The following PRRX1 variants were observed in gnomAD, a reference collection of about 807,000 sequenced individuals.
The protein encoded by PRRX1 is paired mesoderm homeobox protein 1.
PRRX1 carries 8 observed loss-of-function variants against 24.0 expected under a neutral mutation model. The observed-to-expected ratio is 0.33, with a 90% CI of 0.20 to 0.60. The LOEUF is 0.60. PRRX1 is among the 20% of genes least tolerant of loss of function. The probability of loss-of-function intolerance (pLI) is 0.82; values close to 1 mark genes in which losing one functional copy is unlikely to be tolerated. For missense variants in PRRX1, 281 were observed against 322.4 expected, an observed-to-expected ratio of 0.87 and a Z score of 0.98; for synonymous variants, 160 against 131.7, an observed-to-expected ratio of 1.22 and a Z score of -1.47.
intron 2 of PRRX1, among the ~76,000 whole-genome samples, chr1:170,725,258 C>T (rs184939492): frequency 2.6e-5 from 4 of 152,168 alleles, no homozygotes; most frequent in Admixed American, 6.5e-5. Flanking sequence ...AGCAAACCTG[C>T]ACATCCTGCA....
chr1:170,716,556 C>A (rs1654914116), intron 1 of PRRX1, among the ~76,000 whole-genome samples: 1 of 151,312 alleles, frequency 6.6e-6, no homozygotes, highest in Non-Finnish European at 1.5e-5. Context: ...TGCACTCCAG[C>A]CTGGGCGACA....
At chr1:170,683,162 A>T (rs778606643) in intron 1 of PRRX1, among the ~76,000 whole-genome samples, 1 of 152,224 alleles carries the variant, frequency 6.6e-6, no homozygotes, top group Non-Finnish European at 1.5e-5. Flanking sequence ...AATGTGATTT[A>T]TGTCTTTAAA....
Position 170,738,974 on chromosome 1 carries a change from A to G in PRRX1, c.*2788A>G, listed in dbSNP as rs576485069. The G allele has an allele frequency of 9.3e-5, 21 of 225,250 alleles. No homozygotes were observed. The highest frequency in any genetic ancestry group is 2.7e-3 in the Middle Eastern group (2 of 738). 14.0% of individuals were successfully genotyped at this position (225,250 alleles called of 1,614,324 possible). A position where few individuals can be genotyped will look rare whatever the true frequency, so the allele number is the denominator to read the frequency against. On this transcript the variant is annotated 3_prime_UTR_variant, in exon 4 of 4. Transcript: ENST00000239461. The stretch of plus-strand genomic sequence containing the variant: ...ATCTAAGCACTTGATCAAGAAATAT[A>G]CATGTTGTACAAGCTCTCAATTTTG...
At chr1:170,678,819 C>T (rs187290086) in intron 1 of PRRX1, among the ~76,000 whole-genome samples, 1 of 152,310 alleles carries the variant, frequency 6.6e-6, no homozygotes, top group East Asian at 1.9e-4. Flanking sequence ...GATTCTTTCT[C>T]TAGTGTCCTT....
At chr1:170,700,304 G>A (rs113790005) in intron 1 of PRRX1, among the ~76,000 whole-genome samples, 3,551 of 152,174 alleles carry the variant, frequency 0.023, 139 homozygotes, top group African/African-American at 0.076. Context: ...GTATAGAACC[G>A]CTGATGAGTG....
chr1:170,664,503 G>C, intron 1 of PRRX1, 44 bp downstream of exon 1: 2 of 1,565,600 alleles, frequency 1.3e-6, no homozygotes, highest in Non-Finnish European at 1.7e-6. Flanking sequence ...GCCCGGGACA[G>C]AGGGCGGGGA....
chr1:170,719,854 C>A lies in PRRX1; in HGVS notation c.370C>A (p.Arg124=). 1 of 1,614,134 alleles carries A rather than the reference C, an allele frequency of 6.2e-7. No homozygotes were observed. The highest frequency in any genetic ancestry group is 8.5e-7 in the Non-Finnish European group (1 of 1,180,030). The change falls in exon 2 of 4, where the codon CGA becomes AGA. Residue 124 remains arginine, a synonymous_variant. Transcript: ENST00000239461. ...ERTHYPDAFV[R]EDLARRVNLT... is the part of the protein sequence containing the mutation. ...GACACACTATCCTGATGCTTTTGTGCGAGAAGACCTTGCCCGCCGGGTGAA... is the reference window on the plus strand; with the variant it reads ...GACACACTATCCTGATGCTTTTGTGAGAGAAGACCTTGCCCGCCGGGTGAA...
intron 3 of PRRX1, chr1:170,730,370 A>AG (rs756376318): frequency 4.4e-5 from 70 of 1,582,206 alleles, no homozygotes; most frequent in Non-Finnish European, 5.4e-5. Context: ...GAGGGGGAAG[A>AG]GGGTGGCTGC....
chr1:170,729,396 G>C (rs935196525), intron 3 of PRRX1, among the ~76,000 whole-genome samples: 3 of 152,052 alleles, frequency 2.0e-5, no homozygotes, highest in Non-Finnish European at 2.9e-5. Context: ...ATATTTTGCT[G>C]ACTTCCACAG....
At chr1:170,701,007 G>C (rs574093453) in intron 1 of PRRX1, among the ~76,000 whole-genome samples, 1 of 152,274 alleles carries the variant, frequency 6.6e-6, no homozygotes, top group South Asian at 2.1e-4. Context: ...GGGCTGTTAT[G>C]AGGAATAAAT....
At chr1:170,700,483 A>G (rs1372527140) in intron 1 of PRRX1, among the ~76,000 whole-genome samples, 1 of 152,184 alleles carries the variant, frequency 6.6e-6, no homozygotes, top group Non-Finnish European at 1.5e-5. Flanking sequence ...TCATAGATTG[A>G]AAGAAAGATG....
At chr1:170,680,011 G>C (rs878982705) in intron 1 of PRRX1, among the ~76,000 whole-genome samples, 2 of 152,078 alleles carry the variant, frequency 1.3e-5, no homozygotes, top group Admixed American at 1.3e-4. Context: ...TTTTGAAAAG[G>C]TTGTGTACGA....
chr1:170,698,544 ATT>A (rs1558052858), intron 1 of PRRX1, among the ~76,000 whole-genome samples: 1 of 152,206 alleles, frequency 6.6e-6, no homozygotes, highest in East Asian at 1.9e-4. Context: ...CCTTTTGCGT[ATT>A]AAAATAGACT....
chr1:170,675,305 G>A (rs1325722904), intron 1 of PRRX1, among the ~76,000 whole-genome samples: 1 of 152,126 alleles, frequency 6.6e-6, no homozygotes, highest in Admixed American at 6.5e-5. Flanking sequence ...ATACCTAAAG[G>A]ATGTTCTTAG....
intron 1 of PRRX1, among the ~76,000 whole-genome samples, chr1:170,704,861 A>T (rs961959984): frequency 1.3e-5 from 2 of 152,218 alleles, no homozygotes; most frequent in Admixed American, 6.5e-5. Flanking sequence ...TCATCTTGGG[A>T]TCAAACTAAC....
At position 170,736,044 on chromosome 1, in the gene PRRX1, A is replaced by C; in HGVS notation, c.600-4A>C. ...TCTCCCTGCTCTCTCCTTTGTCCCT[A>C]CAGCGCCATGGCTACTTATTCTGCC... On this transcript the variant is annotated splice_region_variant and splice_polypyrimidine_tract_variant and intron_variant, in intron 3 of 3. Coordinates refer to ENST00000239461, the MANE Select transcript of PRRX1 (RefSeq NM_022716.4). 1.2e-6 allele frequency: 2 copies of C among 1,613,976 alleles called. No homozygotes were observed. The highest frequency in any genetic ancestry group is 1.7e-6 in the Non-Finnish European group (2 of 1,179,860).
intron 1 of PRRX1, among the ~76,000 whole-genome samples, chr1:170,671,529 G>T (rs890256377): frequency 6.6e-6 from 1 of 152,244 alleles, no homozygotes; most frequent in Non-Finnish European, 1.5e-5. Context: ...TTCGCCGAAA[G>T]GGGGCGCGCT....
At position 170,737,637 on chromosome 1, in the gene PRRX1, A is replaced by C. The variant is rs1655662347; in HGVS notation, c.*1451A>C. Reference sequence around the variant, plus strand: ...CAATTGTGGGCTATTTTTATTTTTTAATATTTTGAAATAAAGTTTAGTGTC... The same window carrying C: ...CAATTGTGGGCTATTTTTATTTTTTCATATTTTGAAATAAAGTTTAGTGTC... On this transcript the variant is annotated 3_prime_UTR_variant, in exon 4 of 4. Coordinates refer to ENST00000239461, the MANE Select transcript of PRRX1 (RefSeq NM_022716.4). 4.6e-6 allele frequency: 1 copy of C among 216,722 alleles called. No homozygotes were observed. The highest frequency in any genetic ancestry group is 5.8e-5 in the Admixed American group (1 of 17,198). 13.4% of individuals were successfully genotyped at this position (216,722 alleles called of 1,614,324 possible).
chr1:170,701,312 A>T (rs1291983054), intron 1 of PRRX1, among the ~76,000 whole-genome samples: 1 of 152,226 alleles, frequency 6.6e-6, no homozygotes. Context: ...CTTGTGGGAA[A>T]GATTGACCTT....
Sources: gnomAD v4.1 joint callset for allele counts (sites outside exome capture counted in the v4.1 genomes callset) on GRCh38, gnomAD v4.1.1 for gene constraint, MANE v1.5 for transcripts, NCBI Gene and HGNC (gene_info 2026-07-23, HGNC 2026-07-21) for gene names.